The following DNHD1 variants were observed in gnomAD, a reference collection of about 807,000 sequenced individuals.
The protein encoded by DNHD1 is dynein heavy chain domain-containing protein 1.
Under a neutral mutation model 458.1 loss-of-function variants are expected in DNHD1, and 383 were observed. That is an observed-to-expected ratio of 0.84 (90% CI 0.77 to 0.91). The LOEUF (loss-of-function observed/expected upper bound fraction) is 0.91, where lower values mean the gene tolerates loss of function less well. Ranked by LOEUF, DNHD1 falls within the 40% of genes least tolerant of loss-of-function variation. DNHD1 has a pLI of 0.00. For synonymous variants in DNHD1, 2,203 were observed against 2,376.9 expected (o/e 0.93, Z 2.13); for missense variants, 5,336 against 5,866.1 (o/e 0.91, Z 2.95).
intron 39 of DNHD1, among the ~76,000 whole-genome samples, chr11:6,569,483 A>G (rs1021037869): frequency 1.3e-5 from 2 of 148,464 alleles, no homozygotes; most frequent in Admixed American, 1.3e-4. Context: ...ACTCTGTCTC[A>G]AAAAAAAAAG....
At chr11:6,541,266 C>T (rs1853093526) in intron 18 of DNHD1, among the ~76,000 whole-genome samples, 1 of 152,190 alleles carries the variant, frequency 6.6e-6, no homozygotes, top group Non-Finnish European at 1.5e-5. Flanking sequence ...AATCAGTTTG[C>T]CTTTACTGAA....
intron 10 of DNHD1, among the ~76,000 whole-genome samples, chr11:6,525,200 T>C (rs1398339205): frequency 6.6e-6 from 1 of 152,216 alleles, no homozygotes; most frequent in Non-Finnish European, 1.5e-5. Context: ...TGTCTGACTC[T>C]CACTTTTTGC....
Position 6,497,298 on chromosome 11 carries a change from C to G in DNHD1, c.-562C>G, listed in dbSNP as rs764940499. On this transcript the variant is annotated 5_prime_UTR_variant, in exon 1 of 43. Transcript: ENST00000254579. ...ACTCGGTCCTTCTGGAATCTTGTAA[C>G]GGTTCTAACAGCTGGGTGCGGGTGG... 6.5e-6 allele frequency: 1 copy of G among 152,710 alleles called. No individual in the cohort carries two copies. Among genetic ancestry groups the G allele is most frequent in the Non-Finnish European group, 1.5e-5 (1 of 68,518 alleles). The allele number at this position is 152,710 out of a possible 1,614,324, so 9.5% of individuals were successfully genotyped here.
chr11:6,557,190 C>T lies in DNHD1; in HGVS notation c.7895C>T (p.Thr2632Ile), dbSNP rs1288989585. The change falls in exon 25 of 43, where the codon ACT (threonine) becomes ATT (isoleucine). Residue 2632 changes from threonine to isoleucine, a missense_variant. Thr to Ile is a moderately conservative substitution (Grantham distance 89). Coordinates refer to ENST00000254579, the MANE Select transcript of DNHD1 (RefSeq NM_144666.3). Reference sequence around the variant, plus strand: ...CGCCGGGTGTCAGGCCTGCGAGGCACTTGTCTGACCGTTATGATGGCCACA... The same window carrying T: ...CGCCGGGTGTCAGGCCTGCGAGGCATTTGTCTGACCGTTATGATGGCCACA... ...HLRRVSGLRG[T>I]CLTVMMATRN... is the part of the protein sequence containing the mutation. 1.9e-6 allele frequency: 3 copies of T among 1,551,714 alleles called. No individual in the cohort carries two copies. The highest frequency in any genetic ancestry group is 2.6e-6 in the Non-Finnish European group (3 of 1,147,006).
intron 12 of DNHD1, 151 bp from the exon 13 acceptor site, chr11:6,532,876 C>G: frequency 1.4e-6 from 1 of 727,204 alleles, no homozygotes; most frequent in Non-Finnish European, 2.2e-6. Flanking sequence ...TAGCAGCTGA[C>G]TGGACATTGA....
Position 6,502,734 on chromosome 11 carries a change from C to G in DNHD1, c.747-19C>G, listed in dbSNP as rs746368615. On this transcript the variant is annotated intron_variant, in intron 3 of 42. Coordinates refer to ENST00000254579, the MANE Select transcript of DNHD1 (RefSeq NM_144666.3). Reference sequence around the variant, plus strand: ...ACCTTTTTACTCTGCCTTTTCTCTCCTGATTTTCTGTCACACAGGTCTCAG... The same window carrying G: ...ACCTTTTTACTCTGCCTTTTCTCTCGTGATTTTCTGTCACACAGGTCTCAG... 1 of 1,560,656 alleles carries G rather than the reference C, an allele frequency of 6.4e-7. No homozygotes were observed. Among genetic ancestry groups the G allele is most frequent in the Admixed American group, 2.1e-5 (1 of 48,778 alleles).
intron 10 of DNHD1, among the ~76,000 whole-genome samples, chr11:6,524,437 TTC>T (rs1220108373): frequency 6.6e-6 from 1 of 152,244 alleles, no homozygotes; most frequent in African/African-American, 2.4e-5. Flanking sequence ...CCTTTGGACT[TTC>T]TGTTCCCTTA....
At chr11:6,554,293 A>G (rs1206910328) in intron 24 of DNHD1, among the ~76,000 whole-genome samples, 2 of 152,148 alleles carry the variant, frequency 1.3e-5, no homozygotes, top group Non-Finnish European at 2.9e-5. Flanking sequence ...AAAAAAATGA[A>G]CCATGTATTC....
At position 6,528,403 on chromosome 11, in the gene DNHD1, G is replaced by GT. The variant is rs1291648143; in HGVS notation, c.1838-119_1838-118insT. ...GTTAACTCACTCATGAGCAGCGAAT[G>GT]GGTGTGTGTGTGTGTGTGTGTGTGT... On this transcript the variant is annotated intron_variant, in intron 10 of 42. Coordinates refer to ENST00000254579, the MANE Select transcript of DNHD1 (RefSeq NM_144666.3). The GT allele has an allele frequency of 3.4e-4, 397 of 1,160,898 alleles. 4 individuals are homozygous for GT. In the South Asian group the frequency reaches 3.9e-3, roughly 11 times the overall value. The allele number at this position is 1,160,898 out of a possible 1,614,324, so 71.9% of individuals were successfully genotyped here.
Position 6,547,478 on chromosome 11 carries a change from A to G in DNHD1, c.6539A>G (p.His2180Arg). Reference protein sequence around the residue: ...LQHRTVAELNHMAEVLVPATL... With the variant: ...LQHRTVAELNRMAEVLVPATL... Reference sequence around the variant, plus strand: ...CACCGGACAGTCGCTGAGCTCAACCACATGGCTGAGGTTCTGGTGCCTGCA... The same window carrying G: ...CACCGGACAGTCGCTGAGCTCAACCGCATGGCTGAGGTTCTGGTGCCTGCA... Residue 2180 changes from histidine to arginine, a missense_variant, in exon 21 of 43, where the codon CAC (histidine) becomes CGC (arginine). Around this residue, in one of 4 missense-constraint regions of DNHD1, gnomAD observed 3,932 missense variants for 4,365.6 expected, o/e 0.90. Coordinates refer to ENST00000254579, the MANE Select transcript of DNHD1 (RefSeq NM_144666.3). 6.4e-7 allele frequency: 1 copy of G among 1,550,882 alleles called. No individual in the cohort carries two copies. Among genetic ancestry groups the G allele is most frequent in the South Asian group, 1.2e-5 (1 of 84,052 alleles).
rs2134412188 is a variant in DNHD1, at chr11:6,533,166, T to C, written c.2487T>C (p.Ile829=). 3 of 1,551,604 alleles carry C rather than the reference T, an allele frequency of 1.9e-6. No individual in the cohort carries two copies. Among genetic ancestry groups the C allele is most frequent in the Non-Finnish European group, 2.6e-6 (3 of 1,146,972 alleles). The part of the protein sequence containing the change: ...FRTINSDIHA[I]AQCTQKLNEA... ...CCATCAACTCAGATATTCATGCCATTGCACAGTGCACCCAGAAGGTGGGCT... is the reference window on the plus strand; with the variant it reads ...CCATCAACTCAGATATTCATGCCATCGCACAGTGCACCCAGAAGGTGGGCT... Residue 829 remains isoleucine, a synonymous_variant, in exon 13 of 43, where the codon ATT becomes ATC. Coordinates refer to ENST00000254579, the MANE Select transcript of DNHD1 (RefSeq NM_144666.3).
intron 14 of DNHD1, among the ~76,000 whole-genome samples, chr11:6,538,067 T>G (rs1432571224): frequency 1.3e-5 from 2 of 152,188 alleles, no homozygotes; most frequent in Non-Finnish European, 2.9e-5. Flanking sequence ...AGGGTGCATA[T>G]CTGGTGCATC....
chr11:6,557,268 G>T lies in DNHD1; in HGVS notation c.7973G>T (p.Arg2658Leu). The T allele has an allele frequency of 1.9e-6, 3 of 1,551,548 alleles. No homozygotes were observed. The highest frequency in any genetic ancestry group is 2.4e-5 in the East Asian group (1 of 40,906). Residue 2658 changes from arginine (R) to leucine (L), a missense_variant, in exon 25 of 43, where the codon CGG becomes CTG. Physicochemically the swap from Arg to Leu is moderately radical, Grantham distance 102. Coordinates refer to ENST00000254579, the MANE Select transcript of DNHD1 (RefSeq NM_144666.3). ...LHEAQRTFCD[R>L]LDSPRERSYC... ...GAGGCACAGAGAACCTTTTGCGACC[G>T]GCTGGACAGCCCCAGGGAACGCTCC...
chr11:6,546,457 C>T lies in DNHD1; in HGVS notation c.5518C>T (p.Leu1840=). ...TCTGCGGCAAGTGGCAGAGCTGACTCTGCTGGGTGCAGGGATGAGGGATGC... is the reference window on the plus strand; with the variant it reads ...TCTGCGGCAAGTGGCAGAGCTGACTTTGCTGGGTGCAGGGATGAGGGATGC... ...PDLRQVAELT[L]LGAGMRDAFQ... Residue 1840 remains leucine, a synonymous_variant, in exon 21 of 43, where the codon CTG becomes TTG. Transcript: ENST00000254579. 4 of 1,551,118 alleles carry T rather than the reference C, an allele frequency of 2.6e-6. No homozygotes were observed. Among genetic ancestry groups the T allele is most frequent in the Non-Finnish European group, 3.5e-6 (4 of 1,147,010 alleles).
rs775951835 is a variant in DNHD1 at position 6,520,096 on chromosome 11, C to T, written c.1779C>T (p.Ala593=). 4 of 1,614,206 alleles carry T rather than the reference C, an allele frequency of 2.5e-6. No individual in the cohort carries two copies. The highest frequency in any genetic ancestry group is 3.4e-6 in the Non-Finnish European group (4 of 1,180,034). Residue 593 remains alanine (A), a synonymous_variant, in exon 9 of 43, where the codon GCC becomes GCT. Transcript: ENST00000254579. ...GCCTACAGTCTGTCAAGACCTCTGC[C>T]TTGCAGGTATTCTGAATTGGGCAGA... ...TGGLQSVKTS[A]LQVVQSADLK... is the part of the protein sequence containing the mutation.
chr11:6,547,295 C>A lies in DNHD1; in HGVS notation c.6356C>A (p.Pro2119His). The part of the protein sequence containing the change: ...SLPSGQQIAR[P>H]PGTFLLMEVA... ...CCCAGTGGACAGCAGATAGCACGAC[C>A]CCCAGGCACCTTTCTCTTGATGGAG... The change falls in exon 21 of 43, where the codon CCC (proline) becomes CAC (histidine). Residue 2119 changes from proline to histidine, a missense_variant. Pro to His is a moderately conservative substitution (Grantham distance 77, BLOSUM62 -2). This residue lies in a region of DNHD1 where 3,932 missense variants were observed against 4,365.6 expected (regional missense o/e 0.90). Transcript: ENST00000254579. The A allele has an allele frequency of 6.4e-7, 1 of 1,551,806 alleles. No individual in the cohort carries two copies. Among genetic ancestry groups the A allele is most frequent in the Non-Finnish European group, 8.7e-7 (1 of 1,147,004 alleles).
intron 4 of DNHD1, among the ~76,000 whole-genome samples, chr11:6,504,931 A>G (rs550849043): frequency 1.5e-4 from 23 of 152,256 alleles, no homozygotes; most frequent in African/African-American, 5.5e-4. Flanking sequence ...TCTGGGCTCA[A>G]GTGATCCTCC....
In DNHD1 at chr11:6,546,049, C is replaced by T. The variant is rs1008003197; in HGVS notation, c.5110C>T (p.Leu1704=). The part of the protein sequence containing the change: ...RAIVNSLAQA[L]GRQLVMLPCS... ...TATAGTGAACAGCCTGGCACAGGCC[C>T]TGGGCCGCCAGCTGGTGATGCTACC... Residue 1704 remains leucine (L), a synonymous_variant, in exon 21 of 43, where the codon CTG becomes TTG. Coordinates refer to ENST00000254579, the MANE Select transcript of DNHD1 (RefSeq NM_144666.3). The T allele has an allele frequency of 6.4e-7, 1 of 1,551,358 alleles. No homozygotes were observed. Among genetic ancestry groups the T allele is most frequent in the African/African-American group, 1.4e-5 (1 of 73,172 alleles).
intron 18 of DNHD1, among the ~76,000 whole-genome samples, chr11:6,541,503 G>C (rs940754563): frequency 1.3e-5 from 2 of 152,186 alleles, no homozygotes; most frequent in African/African-American, 4.8e-5. Context: ...TTCAGTTAGG[G>C]CTTTAGTCCG....
Sources: allele counts gnomAD v4.1 joint callset (sites outside exome capture counted in the v4.1 genomes callset), GRCh38; gene constraint gnomAD v4.1.1; regional missense constraint gnomAD v4.1.1; transcripts MANE v1.5; gene names NCBI Gene and HGNC (gene_info 2026-07-23, HGNC 2026-07-21).